DCDC2C: variants seen among roughly 807,000 people sequenced by gnomAD.
The protein encoded by DCDC2C is doublecortin domain containing 2C.
In DCDC2C, 44 loss-of-function variants were observed where a neutral mutation model predicts 45.0. The observed-to-expected ratio is 0.98, with a 90% CI of 0.77 to 1.26. DCDC2C has a LOEUF of 1.26. DCDC2C is among the 50% of genes most tolerant of loss of function. The pLI is 0.00. For synonymous variants in DCDC2C, 187 were observed against 178.8 expected, an observed-to-expected ratio of 1.05 and a Z score of -0.37; for missense variants, 447 against 468.9, an observed-to-expected ratio of 0.95 and a Z score of 0.43.
At chr2:3,739,341 G>T (rs150328742) in intron 3 of DCDC2C, among the ~76,000 whole-genome samples, 4 of 152,148 alleles carry the variant, frequency 2.6e-5, no homozygotes, top group Non-Finnish European at 4.4e-5. Flanking sequence ...CCTGCGTGAG[G>T]TCAGGCATTT....
chr2:3,777,758 C>T (rs375368124), intron 8 of DCDC2C, among the ~76,000 whole-genome samples: 19 of 152,304 alleles, frequency 1.2e-4, no homozygotes, highest in Admixed American at 5.9e-4. Context: ...ACGTCTGCCT[C>T]GCCACGGAAC....
At chr2:3,842,758 G>A (rs1672246919) in intron 10 of DCDC2C, among the ~76,000 whole-genome samples, 1 of 152,058 alleles carries the variant, frequency 6.6e-6, no homozygotes, top group African/African-American at 2.4e-5. Flanking sequence ...CCTCCACACG[G>A]TGACTCAGGG....
At chr2:3,778,169 T>C (rs1237441145) in intron 8 of DCDC2C, among the ~76,000 whole-genome samples, 1 of 152,050 alleles carries the variant, frequency 6.6e-6, no homozygotes, top group East Asian at 1.9e-4. Flanking sequence ...GTTTCCTGAG[T>C]GGCTGTGTGG....
chr2:3,766,814 A>G (rs890407767), intron 6 of DCDC2C, among the ~76,000 whole-genome samples: 2 of 152,256 alleles, frequency 1.3e-5, no homozygotes, highest in African/African-American at 4.8e-5. Context: ...TTGTATCATA[A>G]AGATAGTTTA....
intron 9 of DCDC2C, among the ~76,000 whole-genome samples, chr2:3,781,361 A>G (rs887035859): frequency 1.3e-5 from 2 of 152,350 alleles, no homozygotes; most frequent in African/African-American, 2.4e-5. Context: ...TAGGCATATG[A>G]TTGCCGGCTT....
At chr2:3,738,715 T>C (rs1243332720) in intron 3 of DCDC2C, among the ~76,000 whole-genome samples, 3 of 152,186 alleles carry the variant, frequency 2.0e-5, no homozygotes, top group Non-Finnish European at 4.4e-5. Flanking sequence ...TGTACCTTCA[T>C]TTTTCTTGTA....
chr2:3,719,665 G>T (rs2148059421), intron 2 of DCDC2C, among the ~76,000 whole-genome samples: 1 of 152,298 alleles, frequency 6.6e-6, no homozygotes, highest in East Asian at 1.9e-4. Context: ...AATGTTGGTG[G>T]ACACTCCCCG....
intron 3 of DCDC2C, among the ~76,000 whole-genome samples, chr2:3,736,165 T>G (rs376856121): frequency 1.3e-5 from 2 of 152,050 alleles, no homozygotes; most frequent in South Asian, 2.1e-4. Flanking sequence ...TCGGGGAACA[T>G]AGATGAGAGG....
rs1187346759 is a variant in DCDC2C, at chr2:3,796,305, C to T, written c.1065+11205C>T. Among the ~76,000 whole-genome samples the T allele has an allele frequency of 1.9e-5, 2 of 106,206 alleles. 1 individual carries two copies. Among genetic ancestry groups the T allele is most frequent in the Non-Finnish European group, 3.7e-5 (2 of 53,960 alleles). 69.7% of individuals were successfully genotyped at this position (106,206 alleles called of 152,430 possible). A position where few individuals can be genotyped will look rare whatever the true frequency, so the allele number is the denominator to read the frequency against. On this transcript the variant is annotated intron_variant, in intron 10 of 10. Coordinates refer to ENST00000399143, the MANE Select transcript of DCDC2C (RefSeq NM_001287444.2). ...GGGTTTTCTAGATATACAATCATGT[C>T]GTCTGCAAACAGGGACAACTTAAAT...
At chr2:3,728,826 T>C (rs1472641846) in intron 3 of DCDC2C, among the ~76,000 whole-genome samples, 1 of 152,146 alleles carries the variant, frequency 6.6e-6, no homozygotes, top group Admixed American at 6.5e-5. Flanking sequence ...AGTGAATGGC[T>C]TGTTGAGCTG....
rs140809542 is a variant in DCDC2C, at chr2:3,736,884, T to C, written c.417-5036T>C. ...AATAACTGTTATGACACCTTAGTTT[T>C]AAAGAATAATGCCTCTTTATTACCC... On this transcript the variant is annotated intron_variant, in intron 3 of 10. Transcript: ENST00000399143. Among the ~76,000 whole-genome samples the C allele has an allele frequency of 1.6e-4, 25 of 152,352 alleles. No individual in the cohort carries two copies. The East Asian group carries it at 4.6e-3, about 28-fold the overall frequency.
chr2:3,841,018 A>AT (rs1348099249), intron 10 of DCDC2C, among the ~76,000 whole-genome samples: 4 of 152,200 alleles, frequency 2.6e-5, no homozygotes, highest in African/African-American at 4.8e-5. Flanking sequence ...ACAAATGAAG[A>AT]TTTTGGCGTA....
rs530898119 is a variant in DCDC2C at position 3,826,636 on chromosome 2, G to GC, written c.1066-20517dup. Among the ~76,000 whole-genome samples, 17 of 152,224 alleles carry GC rather than the reference G, an allele frequency of 1.1e-4. No homozygotes were observed. The South Asian group carries it at 3.1e-3, about 28-fold the overall frequency. ...GCTAGCTGGCACTCGCTGACAGGCT[G>GC]CATCTTCTGAGGTTCGAAGGTCCCC... is the stretch of plus-strand genomic sequence containing the variant. On this transcript the variant is annotated intron_variant, in intron 10 of 10. Transcript: ENST00000399143.
chr2:3,724,927 G>A lies in DCDC2C; in HGVS notation c.340-2076G>A, dbSNP rs541357664. 5.9e-5 allele frequency among the ~76,000 whole-genome samples: 9 copies of A among 152,318 alleles called. No individual in the cohort carries two copies. In the South Asian group the frequency reaches 1.9e-3, roughly 32 times the overall value. ...TTTGCCCCACCTGAACTCCTTGTTG[G>A]CAGTGGACTCAGATGCTGAGCTGCT... On this transcript the variant is annotated intron_variant, in intron 2 of 10. Coordinates refer to ENST00000399143, the MANE Select transcript of DCDC2C (RefSeq NM_001287444.2).
intron 4 of DCDC2C, among the ~76,000 whole-genome samples, chr2:3,742,960 AGGTGAGGGAGG>A (rs1230480373): frequency 1.3e-5 from 2 of 152,238 alleles, no homozygotes; most frequent in African/African-American, 2.4e-5. Flanking sequence ...TGAAGGTGGC[AGGTGAGGGAGG>A]GGCTCCGGGC....
rs370156600 is a variant in DCDC2C at position 3,704,185 on chromosome 2, C to G, written c.287+147C>G. 3.0e-4 allele frequency: 223 copies of G among 732,318 alleles called. 1 individual carries two copies. Among genetic ancestry groups the G allele is most frequent in the East Asian group, 2.7e-3 (77 of 28,982 alleles). 45.4% of individuals were successfully genotyped at this position (732,318 alleles called of 1,614,324 possible). ...TCTTTCGGCGTGGATCCAGCGCAGC[C>G]GGCGTCGGGCCGCCCCAGGCCACGT... is the stretch of plus-strand genomic sequence containing the variant. On this transcript the variant is annotated intron_variant, in intron 1 of 10. Coordinates refer to ENST00000399143, the MANE Select transcript of DCDC2C (RefSeq NM_001287444.2).
intron 6 of DCDC2C, among the ~76,000 whole-genome samples, chr2:3,765,247 G>A (rs887498029): frequency 6.6e-6 from 1 of 152,190 alleles, no homozygotes; most frequent in Non-Finnish European, 1.5e-5. Flanking sequence ...TAAATCAGCA[G>A]AGATTTACTG....
At chr2:3,834,302 G>A (rs566139440) in intron 10 of DCDC2C, among the ~76,000 whole-genome samples, 27 of 152,188 alleles carry the variant, frequency 1.8e-4, no homozygotes, top group Non-Finnish European at 2.8e-4. Flanking sequence ...TTATAGTGTT[G>A]TGCAGAGTAG....
intron 10 of DCDC2C, among the ~76,000 whole-genome samples, chr2:3,815,314 G>A (rs144093126): frequency 0.014 from 2,181 of 152,110 alleles, 29 homozygotes; most frequent in Non-Finnish European, 0.019. Context: ...CAGGTGAGCC[G>A]CTGCACTGCA....
Sources: allele counts gnomAD v4.1 joint callset (sites outside exome capture counted in the v4.1 genomes callset), GRCh38; gene constraint gnomAD v4.1.1; transcripts MANE v1.5; gene names NCBI Gene and HGNC (gene_info 2026-07-23, HGNC 2026-07-21).